The following NDC80 variants were observed in gnomAD, a reference collection of about 807,000 sequenced individuals.
NDC80 encodes kinetochore protein NDC80 homolog.
A neutral mutation model predicts 89.3 loss-of-function variants in NDC80; 69 were observed. The observed-to-expected ratio is 0.77, with a 90% confidence interval of 0.64 to 0.94. The LOEUF is 0.94. NDC80 is among the 40% of genes least tolerant of loss of function. The pLI, the probability that NDC80 is intolerant of heterozygous loss-of-function variation, is 0.00. For synonymous variants in NDC80, 243 were observed against 255.6 expected (o/e 0.95, Z 0.47); for missense variants, 593 against 739.6 (o/e 0.80, Z 2.30).
intron 6 of NDC80, 184 bp downstream of exon 6, chr18:2,579,213 A>G (rs2072563569): frequency 5.1e-6 from 2 of 392,632 alleles, no homozygotes; most frequent in Admixed American, 8.9e-5. Context: ...GAAAGTACCA[A>G]TTGATAAGGA....
intron 16 of NDC80, 117 bp from the exon 17 acceptor site, chr18:2,616,320 C>T (rs147611894): frequency 3.1e-5 from 20 of 648,358 alleles, no homozygotes; most frequent in Admixed American, 1.6e-4. Flanking sequence ...CCACCATGCC[C>T]GGCCCTTTTT....
rs918848194 is a variant in NDC80, at chr18:2,606,619, A to C, written c.1557+112A>C. ...AATCTTTAAGCTATATATATCCTAT[A>C]ATTTGTATCTTGGGTTAGTTTTCTC... On this transcript the variant is annotated intron_variant, in intron 14 of 16. Transcript: ENST00000261597. 6 of 538,254 alleles carry C rather than the reference A, an allele frequency of 1.1e-5. No individual in the cohort carries two copies. In the African/African-American group the frequency reaches 1.2e-4, roughly 11 times the overall value. The allele number at this position is 538,254 out of a possible 1,614,324, so 33.3% of individuals were successfully genotyped here. A position where few individuals can be genotyped will look rare whatever the true frequency, so the allele number is the denominator to read the frequency against.
At position 2,601,483 on chromosome 18, in the gene NDC80, C is replaced by A; in HGVS notation, c.1462C>A (p.Gln488Lys). The A allele has an allele frequency of 2.3e-6, 3 of 1,307,668 alleles. No homozygotes were observed. Among genetic ancestry groups the A allele is most frequent in the East Asian group, 2.5e-5 (1 of 39,630 alleles). 81.0% of individuals were successfully genotyped at this position (1,307,668 alleles called of 1,614,324 possible). A position where few individuals can be genotyped will look rare whatever the true frequency, so the allele number is the denominator to read the frequency against. The change falls in exon 13 of 17, where the codon CAA becomes AAA. Residue 488 changes from glutamine to lysine, a missense_variant and splice_region_variant. Gln to Lys is a moderately conservative substitution (Grantham distance 53). Transcript: ENST00000261597. ...AATGGGTTTGGAGGATACTTTAGAA[C>A]AAGTAAGTAATAAAACATAAAAAGT... The part of the protein sequence containing the change: ...KKMGLEDTLE[Q>K]LNAMITESKR...
At chr18:2,613,079 C>A (rs1403288169) in intron 16 of NDC80, among the ~76,000 whole-genome samples, 1 of 152,180 alleles carries the variant, frequency 6.6e-6, no homozygotes, top group Non-Finnish European at 1.5e-5. Flanking sequence ...GTTGGAGCCC[C>A]ATAAAGGTCT....
chr18:2,582,599 C>T (rs560415781), intron 6 of NDC80: 120 of 152,104 alleles, frequency 7.9e-4, no homozygotes, highest in African/African-American at 2.6e-3. Context: ...TTCATTGTAT[C>T]GTTTAGTATG....
chr18:2,601,629 CAG>C, intron 13 of NDC80, 144 bp downstream of exon 13: 1 of 396,394 alleles, frequency 2.5e-6, no homozygotes. Context: ...ATGCTCTCGA[CAG>C]AAATATTTGA....
intron 3 of NDC80, 25 bp downstream of exon 3, chr18:2,575,091 A>G (rs1224308568): frequency 1.3e-6 from 2 of 1,518,248 alleles, no homozygotes; most frequent in Non-Finnish European, 1.8e-6. Context: ...CATTAGCTCT[A>G]ATAAAGGGAT....
At chr18:2,608,900 A>G (rs921019082) in intron 15 of NDC80, 70 bp downstream of exon 15, 7 of 1,492,900 alleles carry the variant, frequency 4.7e-6, no homozygotes, top group Middle Eastern at 1.9e-4. Flanking sequence ...ATAAAATTAG[A>G]TCTATTTTTA....
chr18:2,575,772 A>T (rs572960152), intron 3 of NDC80, among the ~76,000 whole-genome samples: 1 of 152,164 alleles, frequency 6.6e-6, no homozygotes, highest in Non-Finnish European at 1.5e-5. Context: ...AAAAAATACA[A>T]TGATTAGCCG....
chr18:2,590,436 A>T (rs891802369), intron 10 of NDC80, among the ~76,000 whole-genome samples: 1 of 152,302 alleles, frequency 6.6e-6, no homozygotes, highest in Non-Finnish European at 1.5e-5. Context: ...GGGAGGATCT[A>T]TTCCTTGCCT....
chr18:2,576,379 G>A (rs540258378), intron 3 of NDC80, among the ~76,000 whole-genome samples: 8 of 152,152 alleles, frequency 5.3e-5, no homozygotes, highest in South Asian at 2.1e-4. Flanking sequence ...ATTGTTTTAC[G>A]TTTTTGCAAA....
rs1568011736 is a variant in NDC80 at position 2,607,993 on chromosome 18, AT to A, written c.1558-706del. ...TATATATATATATATATATATATATATATATAACTTATTTAGCTAGCCCCTT... is the reference window on the plus strand; with the variant it reads ...TATATATATATATATATATATATATAATATAACTTATTTAGCTAGCCCCTT... On this transcript the variant is annotated intron_variant, in intron 14 of 16. Coordinates refer to ENST00000261597, the MANE Select transcript of NDC80 (RefSeq NM_006101.3). 4.5e-4 allele frequency among the ~76,000 whole-genome samples: 59 copies of A among 132,366 alleles called. 2 individuals carry two copies. The highest frequency in any genetic ancestry group is 7.8e-4 in the African/African-American group (29 of 36,978). 86.8% of individuals were successfully genotyped at this position (132,366 alleles called of 152,430 possible).
chr18:2,585,016 A>G (rs2072596870), intron 6 of NDC80, 97 bp from the exon 7 acceptor site: 1 of 800,118 alleles, frequency 1.2e-6, no homozygotes, highest in South Asian at 1.5e-5. Context: ...ACAATAATGT[A>G]AATGCTTCTA....
intron 3 of NDC80, among the ~76,000 whole-genome samples, 162 bp from the exon 4 acceptor site, chr18:2,577,584 C>T (rs960037771): frequency 3.9e-5 from 6 of 152,162 alleles, no homozygotes; most frequent in African/African-American, 1.4e-4. Context: ...TTTTACTCTT[C>T]GTTATTTGCT....
At chr18:2,595,670 T>C in intron 11 of NDC80, 49 bp downstream of exon 11, 2 of 1,519,738 alleles carry the variant, frequency 1.3e-6, no homozygotes, top group Non-Finnish European at 1.8e-6. Context: ...CTGACCTTTC[T>C]GAAGGTCTGT....
At chr18:2,587,748 A>G in intron 7 of NDC80, 82 bp from the exon 8 acceptor site, 1 of 1,092,552 alleles carries the variant, frequency 9.2e-7, no homozygotes, top group South Asian at 1.3e-5. Context: ...TTTAAATTCA[A>G]ATATAAATTT....
At chr18:2,613,996 A>G (rs1156584770) in intron 16 of NDC80, among the ~76,000 whole-genome samples, 1 of 152,246 alleles carries the variant, frequency 6.6e-6, no homozygotes, top group Non-Finnish European at 1.5e-5. Context: ...AAGGTGGCCA[A>G]TAAACATATG....
At chr18:2,581,178 C>T (rs2072576214) in intron 6 of NDC80, among the ~76,000 whole-genome samples, 1 of 152,158 alleles carries the variant, frequency 6.6e-6, no homozygotes, top group South Asian at 2.1e-4. Context: ...AATTAAGCCA[C>T]ATTTAGGAAG....
rs769880371 is a variant in NDC80, at chr18:2,616,514, T to G, written c.1869T>G (p.Ile623Met). 2 of 1,508,960 alleles carry G rather than the reference T, an allele frequency of 1.3e-6. No individual in the cohort carries two copies. Among genetic ancestry groups the G allele is most frequent in the African/African-American group, 2.8e-5 (2 of 71,122 alleles). The allele number at this position is 1,508,960 out of a possible 1,614,324, so 93.5% of individuals were successfully genotyped here. A position where few individuals can be genotyped will look rare whatever the true frequency, so the allele number is the denominator to read the frequency against. Reference protein sequence around the residue: ...ECMSEDLSENIKEIRDKYEKK... With the variant: ...ECMSEDLSENMKEIRDKYEKK... ...TGTCAGAAGATCTCTCGGAAAATAT[T>G]AAAGAGATTAGAGATAAGTATGAGA... Residue 623 changes from isoleucine to methionine, a missense_variant, in exon 17 of 17, where the codon ATT becomes ATG. By Grantham distance (10) the Ile-to-Met change is conservative. Transcript: ENST00000261597.
Sources: gnomAD v4.1 joint callset for allele counts (sites outside exome capture counted in the v4.1 genomes callset) on GRCh38, gnomAD v4.1.1 for gene constraint, MANE v1.5 for transcripts, NCBI Gene and HGNC (gene_info 2026-07-23, HGNC 2026-07-21) for gene names.